The following NFIB variants were observed in gnomAD, a reference collection of about 807,000 sequenced individuals.
NFIB encodes nuclear factor 1 B-type.
In NFIB, 11 loss-of-function variants were observed where a neutral mutation model predicts 61.5. That is an observed-to-expected ratio of 0.18 (90% CI 0.11 to 0.30). The LOEUF (loss-of-function observed/expected upper bound fraction) is 0.30. Among genes scored for constraint, NFIB ranks in the 10% least tolerant of loss-of-function variants. The pLI, the probability that NFIB is intolerant of heterozygous loss-of-function variation, is 1.00. For missense variants in NFIB, 471 were observed against 608.9 expected (o/e 0.77, Z 2.38); for synonymous variants, 260 against 216.5 (o/e 1.20, Z -1.76).
the NFIB span, among the ~76,000 whole-genome samples, chr9:14,454,896 C>T: frequency 6.6e-6 from 1 of 152,140 alleles, no homozygotes; most frequent in Non-Finnish European, 1.5e-5. Flanking sequence ...TGTCAAGACA[C>T]CAGCATATCC....
chr9:14,365,209 G>A (rs757217616), intron 1 of NFIB, among the ~76,000 whole-genome samples: 6 of 152,150 alleles, frequency 3.9e-5, no homozygotes, highest in East Asian at 3.9e-4. Context: ...AATAAATTTC[G>A]AGACCACCGT....
chr9:14,085,604 A>C lies in NFIB; in HGVS notation c.*2705T>G, dbSNP rs2032741833. ...GGGAGATAAAATGAAAACAGGATTT[A>C]CTTTTTTGTTCCTTAAAAATTGAAC... On this transcript the variant is annotated 3_prime_UTR_variant, in exon 11 of 11. Transcript: ENST00000380953. The C allele has an allele frequency of 4.5e-6, 1 of 220,214 alleles. No homozygotes were observed. Among genetic ancestry groups the C allele is most frequent in the Non-Finnish European group, 9.1e-6 (1 of 110,020 alleles). The allele number at this position is 220,214 out of a possible 1,614,324, so 13.6% of individuals were successfully genotyped here.
intron 1 of NFIB, among the ~76,000 whole-genome samples, chr9:14,382,386 T>C (rs1301471151): frequency 6.6e-6 from 1 of 150,846 alleles, no homozygotes; most frequent in African/African-American, 2.4e-5. Context: ...GAGATAGGAG[T>C]CTGTCCATTT....
At chr9:14,347,923 C>G in intron 1 of NFIB, among the ~76,000 whole-genome samples, 1 of 152,168 alleles carries the variant, frequency 6.6e-6, no homozygotes, top group East Asian at 1.9e-4. Flanking sequence ...GAGCGACGCG[C>G]GTAGTTTCGC....
chr9:14,224,459 T>C (rs1478568591), intron 2 of NFIB, among the ~76,000 whole-genome samples: 3 of 152,210 alleles, frequency 2.0e-5, no homozygotes, highest in Non-Finnish European at 4.4e-5. Context: ...CAGAATGATG[T>C]ACATACACAT....
intron 4 of NFIB, 113 bp downstream of exon 4, chr9:14,155,712 T>TAA (rs35911295): frequency 0.039 from 21,069 of 535,158 alleles, 2,383 homozygotes; most frequent in African/African-American, 0.3. Context: ...TTTAAGATTT[T>TAA]AATTCAAATT....
chr9:14,507,955 GAC>G, the NFIB span, among the ~76,000 whole-genome samples: 2 of 142,296 alleles, frequency 1.4e-5, no homozygotes, highest in African/African-American at 5.2e-5. Flanking sequence ...CACAGACACA[GAC>G]ACAGACACAC....
At chr9:14,289,788 G>A (rs1256792776) in intron 2 of NFIB, among the ~76,000 whole-genome samples, 2 of 151,824 alleles carry the variant, frequency 1.3e-5, no homozygotes, top group Non-Finnish European at 2.9e-5. Flanking sequence ...TTATTCTTCA[G>A]AGAATAATCT....
intron 2 of NFIB, among the ~76,000 whole-genome samples, chr9:14,241,530 G>A (rs1367295865): frequency 2.0e-5 from 3 of 151,794 alleles, no homozygotes; most frequent in Non-Finnish European, 4.4e-5. Flanking sequence ...AACAGATATT[G>A]TCATCTTAAG....
At chr9:14,443,596 C>G in the NFIB span, among the ~76,000 whole-genome samples, 9 of 152,340 alleles carry the variant, frequency 5.9e-5, no homozygotes, top group Middle Eastern at 6.8e-3. Flanking sequence ...GCCCCAATTG[C>G]AATACATCCT....
the NFIB span, among the ~76,000 whole-genome samples, chr9:14,507,971 A>AACAC: frequency 2.0e-3 from 258 of 129,164 alleles, no homozygotes; most frequent in South Asian, 0.016. Context: ...GACACACACA[A>AACAC]ACACACACAC....
chr9:14,187,046 T>A (rs1407540673), intron 2 of NFIB, among the ~76,000 whole-genome samples: 1 of 143,350 alleles, frequency 7.0e-6, no homozygotes, highest in African/African-American at 2.5e-5. Context: ...TGTGTGTGTG[T>A]GTGTGTGTGT....
At chr9:14,396,800 G>A (rs1320632754) in intron 1 of NFIB, among the ~76,000 whole-genome samples, 1 of 152,140 alleles carries the variant, frequency 6.6e-6, no homozygotes. Context: ...AAATGTCATT[G>A]TCACAGGAGC....
chr9:14,287,340 A>G (rs2058777211), intron 2 of NFIB, among the ~76,000 whole-genome samples: 1 of 87,682 alleles, frequency 1.1e-5, no homozygotes, highest in Admixed American at 1.2e-4. Context: ...CTGAGGCAGG[A>G]GAATGGTGTG....
the NFIB span, among the ~76,000 whole-genome samples, chr9:14,484,860 T>C: frequency 6.6e-6 from 1 of 152,174 alleles, no homozygotes; most frequent in Admixed American, 6.5e-5. Flanking sequence ...ACTGGGGGGC[T>C]GAAACAACAG....
intron 1 of NFIB, among the ~76,000 whole-genome samples, chr9:14,338,327 G>A (rs1295774460): frequency 6.6e-6 from 1 of 152,164 alleles, no homozygotes; most frequent in Non-Finnish European, 1.5e-5. Flanking sequence ...CCGGGAGGCG[G>A]AGGTTGCAGT....
At chr9:14,207,428 T>G (rs1350064685) in intron 2 of NFIB, among the ~76,000 whole-genome samples, 1 of 152,220 alleles carries the variant, frequency 6.6e-6, no homozygotes, top group Non-Finnish European at 1.5e-5. Context: ...GGGGAGTTTA[T>G]GTTGTGGTTT....
intron 2 of NFIB, among the ~76,000 whole-genome samples, chr9:14,297,313 T>A (rs2059499561): frequency 6.6e-6 from 1 of 152,208 alleles, no homozygotes; most frequent in Admixed American, 6.5e-5. Flanking sequence ...AAAAGAGATA[T>A]TTTCTATTCT....
At chr9:14,256,475 G>A (rs1408605556) in intron 2 of NFIB, among the ~76,000 whole-genome samples, 2 of 152,068 alleles carry the variant, frequency 1.3e-5, no homozygotes, top group Non-Finnish European at 2.9e-5. Flanking sequence ...ATATAAGTAG[G>A]ATGAGATAGA....
Sources: allele counts gnomAD v4.1 joint callset (sites outside exome capture counted in the v4.1 genomes callset), GRCh38; gene constraint gnomAD v4.1.1; transcripts MANE v1.5; gene names NCBI Gene and HGNC (gene_info 2026-07-23, HGNC 2026-07-21).